BTG4: variants seen among roughly 807,000 people sequenced by gnomAD.
BTG4 encodes the protein BTG anti-proliferation factor 4, also known as protein BTG4.
A neutral mutation model predicts 19.3 loss-of-function variants in BTG4; 10 were observed. That is an observed-to-expected ratio of 0.52 (90% CI 0.32 to 0.88). The LOEUF (loss-of-function observed/expected upper bound fraction) is 0.88. BTG4 is among the 40% of genes least tolerant of loss of function. The pLI is 0.04. For synonymous variants in BTG4, 91 were observed against 95.7 expected (o/e 0.95, Z 0.29); for missense variants, 238 against 281.9 (o/e 0.84, Z 1.11).
chr11:111,475,788 T>G (rs1864363914), intron 5 of BTG4, among the ~76,000 whole-genome samples: 1 of 152,182 alleles, frequency 6.6e-6, no homozygotes, highest in Non-Finnish European at 1.5e-5. Flanking sequence ...TGCTTCAGAC[T>G]GGGTAATTTA....
At chr11:111,415,150 C>T in the BTG4 span, among the ~76,000 whole-genome samples, 4 of 152,170 alleles carry the variant, frequency 2.6e-5, no homozygotes, top group Admixed American at 2.6e-4. Context: ...GGCAACTGCA[C>T]CTGCCTCACC....
the BTG4 span, chr11:111,384,855 G>A: frequency 6.6e-6 from 1 of 152,046 alleles, no homozygotes; most frequent in Non-Finnish European, 1.5e-5. Context: ...CAAGTCCAGA[G>A]AACACCATTT....
At chr11:111,478,270 G>C (rs925626249) in intron 5 of BTG4, among the ~76,000 whole-genome samples, 2 of 152,140 alleles carry the variant, frequency 1.3e-5, no homozygotes, top group Non-Finnish European at 2.9e-5. Context: ...CAGCAGTAAT[G>C]AGAGACCCTT....
At chr11:111,488,465 C>T (rs1180876364) in intron 5 of BTG4, among the ~76,000 whole-genome samples, 3 of 152,154 alleles carry the variant, frequency 2.0e-5, no homozygotes, top group Non-Finnish European at 4.4e-5. Context: ...GGATTAAGAA[C>T]TTAAATATAA....
At chr11:111,424,537 C>T in the BTG4 span, among the ~76,000 whole-genome samples, 44,583 of 152,122 alleles carry the variant, frequency 0.29, 6,714 homozygotes, top group Admixed American at 0.34. Context: ...TTATTTGAGG[C>T]CAATAAACTG....
At chr11:111,396,842 G>A in the BTG4 span, 2 of 152,294 alleles carry the variant, frequency 1.3e-5, no homozygotes, top group South Asian at 2.1e-4. Context: ...TCGATTGTTA[G>A]TTTCTTACAG....
chr11:111,446,047 C>G, the BTG4 span, among the ~76,000 whole-genome samples: 4 of 152,248 alleles, frequency 2.6e-5, no homozygotes, highest in Middle Eastern at 3.4e-3. Context: ...ATAATAGAAA[C>G]AGGATAGAGA....
chr11:111,384,401 G>C, the BTG4 span, among the ~76,000 whole-genome samples: 1 of 151,922 alleles, frequency 6.6e-6, no homozygotes, highest in Non-Finnish European at 1.5e-5. Flanking sequence ...ACGTTATAAT[G>C]AAACTTTAAA....
At chr11:111,423,632 C>T in the BTG4 span, among the ~76,000 whole-genome samples, 15 of 152,134 alleles carry the variant, frequency 9.9e-5, no homozygotes, top group Admixed American at 2.6e-4. Context: ...AAGGACCTGT[C>T]GATATCAATG....
chr11:111,422,295 C>T, the BTG4 span, among the ~76,000 whole-genome samples: 4 of 152,136 alleles, frequency 2.6e-5, no homozygotes, highest in African/African-American at 9.7e-5. Context: ...CATAGAGGTC[C>T]CCAGTAAGGG....
chr11:111,478,498 G>A (rs1416751643), intron 5 of BTG4, among the ~76,000 whole-genome samples: 1 of 152,118 alleles, frequency 6.6e-6, no homozygotes, highest in African/African-American at 2.4e-5. Context: ...AACAAAGAGT[G>A]AGGAGAAAAC....
intron 5 of BTG4, among the ~76,000 whole-genome samples, chr11:111,489,686 T>G (rs867260450): frequency 2.6e-5 from 4 of 151,824 alleles, no homozygotes; most frequent in South Asian, 2.1e-4. Flanking sequence ...AATAATAAAA[T>G]CCTGTCATTT....
chr11:111,409,099 T>C, the BTG4 span, among the ~76,000 whole-genome samples: 6 of 152,182 alleles, frequency 3.9e-5, no homozygotes, highest in Non-Finnish European at 7.4e-5. Context: ...ATGCAGATGT[T>C]TGTGGTTACA....
chr11:111,463,036 G>A (rs12806618), downstream of BTG4: 11,273 of 152,792 alleles, frequency 0.074, 571 homozygotes, highest in Non-Finnish European at 0.11. Flanking sequence ...TACGTTCCCT[G>A]TGTTGTAGGT....
intron 1 of BTG4, among the ~76,000 whole-genome samples, chr11:111,504,872 C>A (rs957915145): frequency 2.6e-5 from 4 of 151,776 alleles, no homozygotes; most frequent in African/African-American, 9.7e-5. Flanking sequence ...CTTAGGATAG[C>A]CACGAAAAAG....
At chr11:111,469,942 A>G (rs1045465386) in intron 5 of BTG4, 1 of 152,672 alleles carries the variant, frequency 6.5e-6, no homozygotes, top group Admixed American at 6.5e-5. Flanking sequence ...AACTCATTGA[A>G]ATGAAGCATG....
At chr11:111,428,676 A>T in the BTG4 span, among the ~76,000 whole-genome samples, 1 of 152,146 alleles carries the variant, frequency 6.6e-6, no homozygotes, top group African/African-American at 2.4e-5. Flanking sequence ...CTCTACGCAG[A>T]GTTACTCAGC....
chr11:111,489,647 A>T (rs1865291900), intron 5 of BTG4, among the ~76,000 whole-genome samples: 1 of 152,206 alleles, frequency 6.6e-6, no homozygotes, highest in African/African-American at 2.4e-5. Context: ...AAATCCTATC[A>T]TTTACGAAGA....
chr11:111,465,522 C>T (rs1252720676), downstream of BTG4, among the ~76,000 whole-genome samples: 1 of 152,220 alleles, frequency 6.6e-6, no homozygotes, highest in Non-Finnish European at 1.5e-5. Flanking sequence ...TGTACTATTA[C>T]TCATCTTATA....
Sources: gnomAD v4.1 joint callset for allele counts (sites outside exome capture counted in the v4.1 genomes callset) on GRCh38, gnomAD v4.1.1 for gene constraint, MANE v1.5 for transcripts, NCBI Gene and HGNC (gene_info 2026-07-23, HGNC 2026-07-21) for gene names.